LAMA3: variants seen among roughly 807,000 people sequenced by gnomAD.
The protein encoded by LAMA3 is laminin subunit alpha 3, also known as laminin subunit alpha-3.
In LAMA3, 281 loss-of-function variants were observed where a neutral mutation model predicts 402.0. That is an observed-to-expected ratio of 0.70 (90% CI 0.63 to 0.77). LAMA3 has a LOEUF of 0.77. Among genes scored for constraint, LAMA3 ranks in the 30% least tolerant of loss-of-function variants. The pLI, the probability that LAMA3 is intolerant of heterozygous loss-of-function variation, is 0.00. For synonymous variants in LAMA3, 1,431 were observed against 1,558.4 expected, an observed-to-expected ratio of 0.92 and a Z score of 1.93; for missense variants, 3,840 against 4,215.5, an observed-to-expected ratio of 0.91 and a Z score of 2.47.
rs538904881 is a variant in LAMA3, at chr18:23,768,587, AT to A, written c.1183-4907del. 1.3e-3 allele frequency among the ~76,000 whole-genome samples: 204 copies of A among 152,346 alleles called. 1 individual carries two copies. Among genetic ancestry groups the A allele is most frequent in the African/African-American group, 4.8e-3 (199 of 41,582 alleles). ...AGCCACTATGGAAAGCAGTTTGGAGATTTCTCAAAGAAAACAAAACTACCAT... is the reference window on the plus strand; with the variant it reads ...AGCCACTATGGAAAGCAGTTTGGAGATTCTCAAAGAAAACAAAACTACCAT... On this transcript the variant is annotated intron_variant, in intron 8 of 74. Transcript: ENST00000313654.
chr18:23,824,672 G>A (rs2063347765), intron 21 of LAMA3, 107 bp downstream of exon 21: 1 of 1,292,138 alleles, frequency 7.7e-7, no homozygotes, highest in African/African-American at 1.5e-5. Context: ...CACAATCATT[G>A]GTGGTTTTAG....
At chr18:23,692,736 A>C (rs546803804) in intron 1 of LAMA3, among the ~76,000 whole-genome samples, 6 of 151,928 alleles carry the variant, frequency 3.9e-5, no homozygotes, top group Non-Finnish European at 7.4e-5. Flanking sequence ...CAATTCTTCT[A>C]TTATTGTCTT....
intron 42 of LAMA3, among the ~76,000 whole-genome samples, chr18:23,893,664 G>A (rs568798695): frequency 1.3e-5 from 2 of 152,260 alleles, no homozygotes; most frequent in African/African-American, 2.4e-5. Context: ...GACATTGTAT[G>A]CCCATCACTA....
intron 69 of LAMA3, among the ~76,000 whole-genome samples, chr18:23,944,595 A>C (rs1017895082): frequency 6.6e-6 from 1 of 152,228 alleles, no homozygotes; most frequent in Admixed American, 6.5e-5. Flanking sequence ...GACTATTTTA[A>C]ATAAGGCAGT....
At chr18:23,810,652 C>G (rs534771934) in intron 13 of LAMA3, 149 bp downstream of exon 13, 1 of 862,656 alleles carries the variant, frequency 1.2e-6, no homozygotes, top group East Asian at 2.6e-5. Context: ...TGGTTCCTCA[C>G]CTGTTCAAGT....
intron 55 of LAMA3, among the ~76,000 whole-genome samples, 193 bp downstream of exon 55, chr18:23,909,488 A>G (rs1418055115): frequency 2.9e-4 from 44 of 152,176 alleles, no homozygotes; most frequent in Admixed American, 2.7e-3. Context: ...TCATCCTTAC[A>G]TTATCTGGTA....
rs537613520 is a variant in LAMA3, at chr18:23,914,389, G to A, written c.7330-21G>A. On this transcript the variant is annotated intron_variant, in intron 56 of 74. Coordinates refer to ENST00000313654, the MANE Select transcript of LAMA3 (RefSeq NM_198129.4). ...GAGAAACCACAATGTGAAGTGTTCT[G>A]AGGTGGCCCTTTGTCTCCAGGCCTC... The A allele has an allele frequency of 1.4e-4, 226 of 1,614,046 alleles. 2 individuals carry two copies. In the South Asian group the frequency reaches 2.3e-3, roughly 16 times the overall value.
In LAMA3 at chr18:23,912,806, G is replaced by A; in HGVS notation, c.7254G>A (p.Leu2418=). Residue 2418 remains leucine, a synonymous_variant, in exon 56 of 75, where the codon TTG becomes TTA. Transcript: ENST00000313654. ...TGAAAGGATATACATCTCTGTCCTT[G>A]TTTCTCCAAAGGCCCAACTCAAGAG... ...EDLKGYTSLS[L]FLQRPNSREN... is the part of the protein sequence containing the mutation. The A allele has an allele frequency of 6.2e-7, 1 of 1,613,950 alleles. No homozygotes were observed. Among genetic ancestry groups the A allele is most frequent in the Non-Finnish European group, 8.5e-7 (1 of 1,179,790 alleles).
At chr18:23,828,064 T>C (rs2063420179) in intron 23 of LAMA3, among the ~76,000 whole-genome samples, 1 of 152,320 alleles carries the variant, frequency 6.6e-6, no homozygotes, top group South Asian at 2.1e-4. Context: ...GTTAGAGCTA[T>C]AGGATATCAA....
chr18:23,737,321 A>T (rs1484052674), intron 2 of LAMA3, among the ~76,000 whole-genome samples: 1 of 152,174 alleles, frequency 6.6e-6, no homozygotes, highest in African/African-American at 2.4e-5. Flanking sequence ...GCCTATGCTG[A>T]TGGGGCGGAA....
At chr18:23,751,202 T>A in intron 5 of LAMA3, 114 bp downstream of exon 5, 1 of 998,276 alleles carries the variant, frequency 1.0e-6, no homozygotes, top group Non-Finnish European at 1.6e-6. Flanking sequence ...GATGTAGGTG[T>A]GGGAGTTGTT....
At position 23,939,244 on chromosome 18, in the gene LAMA3, G is replaced by A; in HGVS notation, c.8884G>A (p.Ala2962Thr). 1 of 1,614,074 alleles carries A rather than the reference G, an allele frequency of 6.2e-7. No individual in the cohort carries two copies. Among genetic ancestry groups the A allele is most frequent in the Non-Finnish European group, 8.5e-7 (1 of 1,179,988 alleles). ...INQLLQDTPV[A>T]SPRSVKVWQD... The stretch of plus-strand genomic sequence containing the variant: ...GCAGCTGTTGCAGGACACACCAGTG[G>A]CCTCCCCAAGGAGCGTGAAGGTGTG... The change falls in exon 68 of 75, where the codon GCC becomes ACC. Residue 2962 changes from alanine (A) to threonine (T), a missense_variant. Coordinates refer to ENST00000313654, the MANE Select transcript of LAMA3 (RefSeq NM_198129.4).
rs548014629 is a variant in LAMA3 at position 23,802,921 on chromosome 18, G to A, written c.1604-7445G>A. ...TTTTCACCTACAGTGAAAACTCACT[G>A]TAACTGAGTTTTCAAAAGGCCATTC... is the stretch of plus-strand genomic sequence containing the variant. On this transcript the variant is annotated intron_variant, in intron 12 of 74. Transcript: ENST00000313654. 5.9e-5 allele frequency among the ~76,000 whole-genome samples: 9 copies of A among 152,280 alleles called. 1 individual carries two copies. In the South Asian group the frequency reaches 1.9e-3, roughly 32 times the overall value.
intron 25 of LAMA3, chr18:23,837,372 GTTA>G (rs1766764088): frequency 5.5e-6 from 2 of 361,890 alleles, no homozygotes; most frequent in Non-Finnish European, 1.0e-5. Flanking sequence ...AATGTCTTCT[GTTA>G]TTATATTTCC....
chr18:23,796,897 C>G (rs2062773283), intron 12 of LAMA3, among the ~76,000 whole-genome samples: 1 of 152,122 alleles, frequency 6.6e-6, no homozygotes, highest in African/African-American at 2.4e-5. Context: ...CTACCAAACT[C>G]TTCTGACCTC....
chr18:23,940,261 C>T (rs556952799), intron 68 of LAMA3, among the ~76,000 whole-genome samples: 19 of 152,296 alleles, frequency 1.2e-4, no homozygotes, highest in East Asian at 3.9e-4. Flanking sequence ...GGAAGGGCCT[C>T]GGGTCGCAGT....
rs886053674 is a variant in LAMA3 at position 23,914,806 on chromosome 18, T to C, written c.7590T>C (p.Asn2530=). ...MDGRNSNTLL[N]LDPENVVFYV... is the part of the protein sequence containing the mutation. ...GTAGAAATAGCAATACACTCCTTAA[T>C]TTGGATCCTGAAAATGTTGTATTTT... The change falls in exon 58 of 75, where the codon AAT becomes AAC. Residue 2530 remains asparagine, a synonymous_variant. Transcript: ENST00000313654. 1 of 1,613,374 alleles carries C rather than the reference T, an allele frequency of 6.2e-7. No homozygotes were observed. The highest frequency in any genetic ancestry group is 1.1e-5 in the South Asian group (1 of 91,046).
intron 69 of LAMA3, among the ~76,000 whole-genome samples, chr18:23,944,243 G>T (rs1334669914): frequency 6.6e-6 from 1 of 152,078 alleles, no homozygotes; most frequent in African/African-American, 2.4e-5. Context: ...CATGCCCCTT[G>T]CCTACTCTAA....
At chr18:23,760,043 T>G (rs951685272) in intron 7 of LAMA3, among the ~76,000 whole-genome samples, 4 of 152,230 alleles carry the variant, frequency 2.6e-5, no homozygotes, top group African/African-American at 9.6e-5. Flanking sequence ...TAGGATATTT[T>G]TAATTGAATT....
Sources: allele counts gnomAD v4.1 joint callset (sites outside exome capture counted in the v4.1 genomes callset), GRCh38; gene constraint gnomAD v4.1.1; transcripts MANE v1.5; gene names NCBI Gene and HGNC (gene_info 2026-07-23, HGNC 2026-07-21).